Variants in TTC27 observed in about 807,000 individuals in gnomAD.
TTC27 encodes tetratricopeptide repeat protein 27.
Under a neutral mutation model 115.9 loss-of-function variants are expected in TTC27, and 79 were observed. The ratio of observed to expected loss-of-function variants is 0.68; its 90% CI spans 0.57 to 0.82. TTC27 has a LOEUF of 0.82. Ranked by LOEUF, TTC27 falls within the 40% of genes least tolerant of loss-of-function variation. The probability of loss-of-function intolerance (pLI) is 0.00; values close to 1 mark genes in which losing one functional copy is unlikely to be tolerated. For missense variants in TTC27, 1,054 were observed against 993.1 expected (o/e 1.06, Z -0.82); for synonymous variants, 401 against 356.0 (o/e 1.13, Z -1.42).
intron 12 of TTC27, among the ~76,000 whole-genome samples, chr2:32,752,663 G>T (rs1572576983): frequency 6.6e-6 from 1 of 152,130 alleles, no homozygotes; most frequent in African/African-American, 2.4e-5. Flanking sequence ...TTATTTTTAT[G>T]TCTGAAGGCA....
chr2:32,789,552 A>G (rs1572615491), intron 16 of TTC27, among the ~76,000 whole-genome samples: 2 of 152,180 alleles, frequency 1.3e-5, no homozygotes, highest in East Asian at 3.8e-4. Context: ...TGATTCTGAT[A>G]AAACTTTCAG....
At chr2:32,754,135 T>C (rs368464916) in intron 12 of TTC27, among the ~76,000 whole-genome samples, 7 of 149,278 alleles carry the variant, frequency 4.7e-5, no homozygotes, top group Admixed American at 6.7e-5. Context: ...ATAAAACAAT[T>C]CATTCTACAT....
intron 13 of TTC27, among the ~76,000 whole-genome samples, chr2:32,761,750 T>A (rs1572588045): frequency 6.6e-6 from 1 of 152,286 alleles, no homozygotes; most frequent in East Asian, 1.9e-4. Context: ...ACTCCTAATT[T>A]TCCTTCCCTG....
chr2:32,681,398 A>G (rs186882219), intron 9 of TTC27, among the ~76,000 whole-genome samples: 41 of 152,260 alleles, frequency 2.7e-4, no homozygotes, highest in Admixed American at 2.6e-3. Flanking sequence ...TTCTTTGTGC[A>G]TGATACCGAA....
Position 32,628,084 on chromosome 2 carries a change from C to A in TTC27, c.-209C>A. ...GGCGGAAGCCAGACCAGAGAGCGTG[C>A]GTGTTTTTCCCAGGGTGCCCCGCGC... On this transcript the variant is annotated 5_prime_UTR_variant, in exon 1 of 20. Transcript: ENST00000317907. The A allele has an allele frequency of 1.8e-6, 1 of 550,384 alleles. No homozygotes were observed. Among genetic ancestry groups the A allele is most frequent in the Non-Finnish European group, 3.2e-6 (1 of 310,670 alleles). The allele number at this position is 550,384 out of a possible 1,614,324, so 34.1% of individuals were successfully genotyped here.
chr2:32,632,999 A>C (rs1292095123), intron 2 of TTC27, among the ~76,000 whole-genome samples: 1 of 152,230 alleles, frequency 6.6e-6, no homozygotes, highest in African/African-American at 2.4e-5. Context: ...AAGACTGAAA[A>C]ATAGAGTTTT....
chr2:32,694,695 CA>C (rs1263836537), intron 9 of TTC27, among the ~76,000 whole-genome samples: 1 of 129,930 alleles, frequency 7.7e-6, no homozygotes, highest in African/African-American at 2.9e-5. Flanking sequence ...TTTTTTTCCA[CA>C]AGGTTTTGCT....
intron 7 of TTC27, 104 bp from the exon 8 acceptor site, chr2:32,672,168 C>T: frequency 1.4e-6 from 1 of 739,460 alleles, no homozygotes; most frequent in Non-Finnish European, 2.3e-6. Flanking sequence ...ATATGTCAAA[C>T]AGGTAAGTTA....
At chr2:32,780,129 T>G (rs1056873111) in intron 14 of TTC27, 1 of 463,288 alleles carries the variant, frequency 2.2e-6, no homozygotes, top group Non-Finnish European at 4.5e-6. Flanking sequence ...ACTCCAACTT[T>G]GTTCTTCCTT....
At chr2:32,724,389 G>A (rs1368921247) in intron 10 of TTC27, among the ~76,000 whole-genome samples, 1 of 152,068 alleles carries the variant, frequency 6.6e-6, no homozygotes, top group African/African-American at 2.4e-5. Context: ...GAAGGGCAGG[G>A]GAGTCAAACT....
chr2:32,679,434 G>A, intron 9 of TTC27, among the ~76,000 whole-genome samples: 1 of 152,186 alleles, frequency 6.6e-6, no homozygotes, highest in Non-Finnish European at 1.5e-5. Context: ...GAAAGCTGGA[G>A]TAATAGATAT....
chr2:32,816,523 G>A (rs915565666), intron 18 of TTC27, among the ~76,000 whole-genome samples: 4 of 152,150 alleles, frequency 2.6e-5, no homozygotes, highest in African/African-American at 7.2e-5. Flanking sequence ...CTCTTCACTC[G>A]TTCTCATAAA....
At chr2:32,682,841 A>ATTTTTTTTTTTTT (rs1559204114) in intron 9 of TTC27, among the ~76,000 whole-genome samples, 15 of 77,500 alleles carry the variant, frequency 1.9e-4, no homozygotes, top group East Asian at 7.8e-4. Context: ...GATAATTTTT[A>ATTTTTTTTTTTTT]TTGTTGTTTT....
intron 9 of TTC27, among the ~76,000 whole-genome samples, chr2:32,686,706 A>T (rs753983582): frequency 6.6e-6 from 1 of 152,084 alleles, no homozygotes; most frequent in Non-Finnish European, 1.5e-5. Context: ...GCAGAAAAAA[A>T]TTATCAACTG....
intron 13 of TTC27, 36 bp from the exon 14 acceptor site, chr2:32,777,844 CTG>C: frequency 3.1e-6 from 5 of 1,590,196 alleles, no homozygotes; most frequent in Non-Finnish European, 4.3e-6. Flanking sequence ...GTAAATGTTT[CTG>C]TGTGTTTGAA....
At chr2:32,782,482 C>T in intron 14 of TTC27, 144 bp from the exon 15 acceptor site, 4 of 486,200 alleles carry the variant, frequency 8.2e-6, no homozygotes, top group South Asian at 6.4e-5. Context: ...TTAATTTTGC[C>T]ATATACCTTT....
intron 13 of TTC27, among the ~76,000 whole-genome samples, chr2:32,762,620 T>G (rs997505499): frequency 3.0e-5 from 4 of 134,000 alleles, no homozygotes; most frequent in Admixed American, 2.9e-4. Flanking sequence ...AATAGTTTAG[T>G]TTTTTGGGTT....
chr2:32,753,265 T>C (rs567504047), intron 12 of TTC27, among the ~76,000 whole-genome samples: 1 of 152,206 alleles, frequency 6.6e-6, no homozygotes, highest in East Asian at 1.9e-4. Flanking sequence ...AGAGGCTGAC[T>C]GGCCTGTTAT....
At chr2:32,702,560 A>G (rs1349594486) in intron 9 of TTC27, among the ~76,000 whole-genome samples, 1 of 152,200 alleles carries the variant, frequency 6.6e-6, no homozygotes, top group Admixed American at 6.5e-5. Flanking sequence ...TGCCCCTTCT[A>G]GGAATGCATT....
Sources: allele counts gnomAD v4.1 joint callset (sites outside exome capture counted in the v4.1 genomes callset), GRCh38; gene constraint gnomAD v4.1.1; transcripts MANE v1.5; gene names NCBI Gene and HGNC (gene_info 2026-07-23, HGNC 2026-07-21).